Variants in ENPP6 observed in about 807,000 individuals in gnomAD.
ENPP6 encodes ectonucleotide pyrophosphatase/phosphodiesterase 6, also known as glycerophosphocholine cholinephosphodiesterase ENPP6.
ENPP6 carries 32 observed loss-of-function variants against 42.0 expected under a neutral mutation model. The ratio of observed to expected loss-of-function variants is 0.76; its 90% CI spans 0.58 to 1.02. ENPP6 has a LOEUF of 1.02. ENPP6 is among the 50% of genes least tolerant of loss of function. The pLI is 0.00. For missense variants in ENPP6, 552 were observed against 566.8 expected (o/e 0.97, Z 0.27); for synonymous variants, 213 against 216.0 (o/e 0.99, Z 0.12).
chr4:184,178,389 T>C (rs532618009), intron 1 of ENPP6, among the ~76,000 whole-genome samples: 1 of 152,250 alleles, frequency 6.6e-6, no homozygotes, highest in African/African-American at 2.4e-5. Context: ...ACCAAACCTA[T>C]GACTGATTGG....
chr4:184,150,118 G>A (rs1737000993), intron 2 of ENPP6, among the ~76,000 whole-genome samples: 1 of 151,966 alleles, frequency 6.6e-6, no homozygotes. Flanking sequence ...CCTGACTTAG[G>A]GCCTGGGATC....
chr4:184,165,732 A>G (rs1266790702), intron 1 of ENPP6, among the ~76,000 whole-genome samples: 2 of 152,252 alleles, frequency 1.3e-5, no homozygotes, highest in Non-Finnish European at 2.9e-5. Context: ...CTGTGGAAAG[A>G]GAGGCTCCCA....
At chr4:184,189,330 T>A (rs182790843) in intron 1 of ENPP6, among the ~76,000 whole-genome samples, 100 of 152,316 alleles carry the variant, frequency 6.6e-4, no homozygotes, top group African/African-American at 2.2e-3. Flanking sequence ...GTGAAAGATG[T>A]GATTTTCAAC....
At chr4:184,137,080 A>G (rs1348111435) in intron 2 of ENPP6, among the ~76,000 whole-genome samples, 3 of 151,964 alleles carry the variant, frequency 2.0e-5, no homozygotes, top group Non-Finnish European at 4.4e-5. Context: ...CCATTTTGTG[A>G]TTTAGTCTTT....
rs139870308 is a variant in ENPP6, at chr4:184,117,693, C to T, written c.675+66G>A. The stretch of plus-strand genomic sequence containing the variant: ...AGAGGGAAGATGTTGACAGGAGTGA[C>T]TGTGGAGGAGACAAACAGAGGGTGA... On this transcript the variant is annotated intron_variant, in intron 4 of 7. Coordinates refer to ENST00000296741, the MANE Select transcript of ENPP6 (RefSeq NM_153343.4). 133 of 1,592,364 alleles carry T rather than the reference C, an allele frequency of 8.4e-5. 3 individuals carry two copies. In the African/African-American group the frequency reaches 1.5e-3, roughly 18 times the overall value.
At chr4:184,173,603 T>A (rs1215092947) in intron 1 of ENPP6, among the ~76,000 whole-genome samples, 1 of 152,230 alleles carries the variant, frequency 6.6e-6, no homozygotes, top group Admixed American at 6.5e-5. Flanking sequence ...ATTTGAAGTG[T>A]CTGAAAGTGT....
chr4:184,117,791 T>C lies in ENPP6; in HGVS notation c.643A>G (p.Thr215Ala), dbSNP rs1283882413. The change falls in exon 4 of 8, where the codon ACT becomes GCT. Residue 215 changes from threonine to alanine, a missense_variant. By Grantham distance (58) the Thr-to-Ala change is moderately conservative. Coordinates refer to ENST00000296741, the MANE Select transcript of ENPP6 (RefSeq NM_153343.4). ...CACTTGGTCATGTACTTCAGGACAG[T>C]GTCTACAGCCTTGAGGGCATCTTTC... ...QRKDALKAVD[T>A]VLKYMTKWIQ... The C allele has an allele frequency of 2.5e-6, 4 of 1,614,106 alleles. No individual in the cohort carries two copies. Among genetic ancestry groups the C allele is most frequent in the African/African-American group, 2.7e-5 (2 of 74,938 alleles).
rs1737182791 is a variant in ENPP6 at position 184,157,484 on chromosome 4, C to T, written c.242-3751G>A. Reference sequence around the variant, plus strand: ...TTTCTTTCCTTCCTTTCCTTTCTTTCCTTCCTTTCCTTTCTTTCCTCTTTT... The same window carrying T: ...TTTCTTTCCTTCCTTTCCTTTCTTTTCTTCCTTTCCTTTCTTTCCTCTTTT... On this transcript the variant is annotated intron_variant, in intron 1 of 7. Transcript: ENST00000296741. 2.0e-5 allele frequency among the ~76,000 whole-genome samples: 3 copies of T among 146,830 alleles called. No homozygotes were observed. In the Admixed American group the frequency reaches 2.1e-4, roughly 10 times the overall value.
chr4:184,104,279 CT>C (rs1205956520), intron 6 of ENPP6, among the ~76,000 whole-genome samples: 3 of 152,236 alleles, frequency 2.0e-5, no homozygotes, highest in South Asian at 2.1e-4. Flanking sequence ...CAACCACAGG[CT>C]TTAGAATTGA....
chr4:184,198,435 G>T (rs1028898895), intron 1 of ENPP6, among the ~76,000 whole-genome samples: 2 of 152,212 alleles, frequency 1.3e-5, no homozygotes, highest in African/African-American at 2.4e-5. Flanking sequence ...TACACTAGGG[G>T]AGGTCTCATA....
At chr4:184,131,975 A>G (rs916958360) in intron 2 of ENPP6, among the ~76,000 whole-genome samples, 1 of 152,112 alleles carries the variant, frequency 6.6e-6, no homozygotes, top group African/African-American at 2.4e-5. Flanking sequence ...TTCAGTCTGA[A>G]GGCCTGAGAA....
chr4:184,160,156 G>A (rs1030457135), intron 1 of ENPP6, among the ~76,000 whole-genome samples: 5 of 152,052 alleles, frequency 3.3e-5, no homozygotes, highest in Admixed American at 1.3e-4. Flanking sequence ...CTTTTCCTTT[G>A]GGTAGATACA....
chr4:184,162,462 C>A (rs1226114519), intron 1 of ENPP6, among the ~76,000 whole-genome samples: 1 of 151,356 alleles, frequency 6.6e-6, no homozygotes, highest in Admixed American at 6.6e-5. Flanking sequence ...GTTATTTCAA[C>A]TTTGGAAGCC....
chr4:184,098,471 C>T (rs1439189233), intron 6 of ENPP6, among the ~76,000 whole-genome samples: 1 of 152,200 alleles, frequency 6.6e-6, no homozygotes, highest in Non-Finnish European at 1.5e-5. Context: ...CCCATGCAGC[C>T]CACCCTGCCT....
chr4:184,191,709 A>C (rs941821926), intron 1 of ENPP6, among the ~76,000 whole-genome samples: 10 of 152,232 alleles, frequency 6.6e-5, no homozygotes, highest in Admixed American at 4.6e-4. Context: ...CAAGATTAGA[A>C]AGGAAGAAGT....
chr4:184,121,403 G>C (rs1179021694), intron 3 of ENPP6, among the ~76,000 whole-genome samples: 1 of 152,148 alleles, frequency 6.6e-6, no homozygotes, highest in Non-Finnish European at 1.5e-5. Flanking sequence ...CCTGCTTTCT[G>C]TCAAAGCCCA....
At chr4:184,120,379 AG>A (rs1328634748) in intron 3 of ENPP6, among the ~76,000 whole-genome samples, 1 of 152,200 alleles carries the variant, frequency 6.6e-6, no homozygotes, top group Non-Finnish European at 1.5e-5. Context: ...AGCTTGACAA[AG>A]GACCATATCT....
intron 6 of ENPP6, among the ~76,000 whole-genome samples, chr4:184,104,878 C>G (rs1736060320): frequency 6.6e-6 from 1 of 152,208 alleles, no homozygotes; most frequent in South Asian, 2.1e-4. Flanking sequence ...AGCCTCCACT[C>G]CGGCAAGGCA....
chr4:184,208,373 T>C (rs952918551), intron 1 of ENPP6, among the ~76,000 whole-genome samples: 2 of 152,128 alleles, frequency 1.3e-5, no homozygotes, highest in African/African-American at 4.8e-5. Context: ...CGCAGGTCAG[T>C]GGGTGCGCGC....
Sources: allele counts gnomAD v4.1 joint callset (sites outside exome capture counted in the v4.1 genomes callset), GRCh38; gene constraint gnomAD v4.1.1; transcripts MANE v1.5; gene names NCBI Gene and HGNC (gene_info 2026-07-23, HGNC 2026-07-21).